Variants in DHX35 observed in about 807,000 individuals in gnomAD.
DHX35 encodes DEAH-box helicase 35.
Under a neutral mutation model 99.6 loss-of-function variants are expected in DHX35, and 84 were observed. The observed-to-expected ratio is 0.84, with a 90% CI of 0.71 to 1.01. The LOEUF (loss-of-function observed/expected upper bound fraction) is 1.01. Among genes scored for constraint, DHX35 ranks in the 50% least tolerant of loss-of-function variants. The pLI, the probability that DHX35 is intolerant of heterozygous loss-of-function variation, is 0.00. For synonymous variants in DHX35, 331 were observed against 316.2 expected (o/e 1.05, Z -0.50); for missense variants, 852 against 888.5 (o/e 0.96, Z 0.52).
At chr20:39,026,485 CAGTCCTCTTCGA>C (rs1167763655) in intron 18 of DHX35, among the ~76,000 whole-genome samples, 2 of 152,284 alleles carry the variant, frequency 1.3e-5, no homozygotes, top group East Asian at 3.9e-4. Context: ...CTAAGATTAT[CAGTCCTCTTCGA>C]AGTTAAAGTA....
At chr20:39,037,076 A>G (rs2087165829) in intron 21 of DHX35, among the ~76,000 whole-genome samples, 1 of 152,186 alleles carries the variant, frequency 6.6e-6, no homozygotes, top group Non-Finnish European at 1.5e-5. Flanking sequence ...GAAATGGTTC[A>G]GAGTCAGCTT....
At chr20:39,032,408 G>A (rs1313747984) in intron 20 of DHX35, among the ~76,000 whole-genome samples, 1 of 152,170 alleles carries the variant, frequency 6.6e-6, no homozygotes, top group Non-Finnish European at 1.5e-5. Context: ...CTGACCTCAG[G>A]TGATCTGCCC....
intron 5 of DHX35, among the ~76,000 whole-genome samples, chr20:38,989,124 GTC>G (rs1323974798): frequency 7.1e-5 from 10 of 141,410 alleles, no homozygotes; most frequent in African/African-American, 2.7e-4. Flanking sequence ...TTGAGACAGA[GTC>G]TCTCTCTGTC....
chr20:38,972,848 T>C (rs1393080371), intron 3 of DHX35, among the ~76,000 whole-genome samples, 197 bp downstream of exon 3: 1 of 152,258 alleles, frequency 6.6e-6, no homozygotes, highest in Non-Finnish European at 1.5e-5. Flanking sequence ...TTGTCTTCGA[T>C]TTATTATAAT....
intron 19 of DHX35, chr20:39,030,482 T>A (rs993180983): frequency 1.8e-6 from 1 of 546,064 alleles, no homozygotes; most frequent in Admixed American, 3.4e-5. Flanking sequence ...GTCCGCGTGT[T>A]GCTTTTCTCC....
In DHX35 at chr20:39,014,860, G is replaced by C; in HGVS notation, c.1348-20G>C. 1 of 1,614,100 alleles carries C rather than the reference G, an allele frequency of 6.2e-7. No homozygotes were observed. Among genetic ancestry groups the C allele is most frequent in the Non-Finnish European group, 8.5e-7 (1 of 1,179,984 alleles). On this transcript the variant is annotated intron_variant, in intron 13 of 21. Transcript: ENST00000252011. ...TTGCCCAAATAAATTGATTCAGGAAGATTTTTATGTTTTTTCCAGCCCCCT... is the reference window on the plus strand; with the variant it reads ...TTGCCCAAATAAATTGATTCAGGAACATTTTTATGTTTTTTCCAGCCCCCT...
intron 5 of DHX35, 111 bp from the exon 6 acceptor site, chr20:38,991,343 G>T: frequency 1.2e-6 from 1 of 847,824 alleles, no homozygotes. Context: ...GTCCTTTGTG[G>T]GAATTTACTT....
chr20:38,999,555 C>T, intron 8 of DHX35, among the ~76,000 whole-genome samples: 1 of 152,226 alleles, frequency 6.6e-6, no homozygotes, highest in Admixed American at 6.5e-5. Context: ...AGGCCAAGAC[C>T]TCCATTGCTT....
chr20:38,984,432 A>C (rs1322935205), intron 4 of DHX35, among the ~76,000 whole-genome samples: 1 of 152,240 alleles, frequency 6.6e-6, no homozygotes, highest in Middle Eastern at 3.2e-3. Context: ...GATAGAAATA[A>C]TTTTATAAAA....
chr20:38,966,334 G>T (rs1214726434), intron 1 of DHX35, among the ~76,000 whole-genome samples: 1 of 152,234 alleles, frequency 6.6e-6, no homozygotes, highest in Non-Finnish European at 1.5e-5. Context: ...AGTCTTTTAT[G>T]AGGAGAAGGT....
intron 2 of DHX35, 28 bp from the exon 3 acceptor site, chr20:38,972,531 A>G (rs1277337018): frequency 6.9e-7 from 1 of 1,442,062 alleles, no homozygotes; most frequent in East Asian, 2.3e-5. Flanking sequence ...ATGTATGGCT[A>G]TTTGCAAGGT....
chr20:38,977,011 G>C (rs2086089766), intron 3 of DHX35, among the ~76,000 whole-genome samples: 1 of 152,122 alleles, frequency 6.6e-6, no homozygotes, highest in African/African-American at 2.4e-5. Context: ...TCTGTTGTTG[G>C]ACACCTAGGC....
chr20:39,039,634 T>C lies in DHX35; in HGVS notation c.*1091T>C, dbSNP rs2087214149. 6.6e-6 allele frequency: 1 copy of C among 152,268 alleles called. No homozygotes were observed. The highest frequency in any genetic ancestry group is 1.5e-5 in the Non-Finnish European group (1 of 68,048). The allele number at this position is 152,268 out of a possible 1,614,324, so 9.4% of individuals were successfully genotyped here. ...TGGCACCAAACGTGTATGTCATTTT[T>C]ATTTCCATTTTATAAACATGTAAAT... On this transcript the variant is annotated 3_prime_UTR_variant, in exon 22 of 22. Coordinates refer to ENST00000252011, the MANE Select transcript of DHX35 (RefSeq NM_021931.4).
At chr20:39,013,959 G>A (rs1474155895) in intron 13 of DHX35, among the ~76,000 whole-genome samples, 2 of 152,166 alleles carry the variant, frequency 1.3e-5, no homozygotes, top group Admixed American at 6.5e-5. Flanking sequence ...AGGTAGACTG[G>A]GAAAAATGAG....
chr20:39,035,130 G>A (rs1383963388), intron 21 of DHX35, among the ~76,000 whole-genome samples: 1 of 152,028 alleles, frequency 6.6e-6, no homozygotes, highest in African/African-American at 2.4e-5. Flanking sequence ...GGAATGCAGT[G>A]GCACAATCTC....
chr20:38,972,764 G>A (rs2086022312), intron 3 of DHX35, 113 bp downstream of exon 3: 1 of 680,860 alleles, frequency 1.5e-6, no homozygotes, highest in African/African-American at 1.8e-5. Flanking sequence ...TTCAGGAAAT[G>A]TTCACTTCAA....
chr20:39,036,726 C>CCAAAAAAAAAAAAAA (rs1568767834), intron 21 of DHX35, among the ~76,000 whole-genome samples: 15 of 51,698 alleles, frequency 2.9e-4, no homozygotes, highest in African/African-American at 1.2e-3. Flanking sequence ...ACTGTCCCCC[C>CCAAAAAAAAAAAAAA]AAAAAAAAAA....
intron 14 of DHX35, among the ~76,000 whole-genome samples, chr20:39,016,643 A>G (rs1225722031): frequency 6.6e-6 from 1 of 152,200 alleles, no homozygotes; most frequent in African/African-American, 2.4e-5. Flanking sequence ...CCCACCAGCA[A>G]TGTATGAGAG....
At chr20:38,972,706 G>T in intron 3 of DHX35, 55 bp downstream of exon 3, 1 of 1,239,646 alleles carries the variant, frequency 8.1e-7, no homozygotes, top group Non-Finnish European at 1.2e-6. Context: ...GAAGAATTTT[G>T]TAACTTGAGA....
Sources: allele counts gnomAD v4.1 joint callset (sites outside exome capture counted in the v4.1 genomes callset), GRCh38; gene constraint gnomAD v4.1.1; transcripts MANE v1.5; gene names NCBI Gene and HGNC (gene_info 2026-07-23, HGNC 2026-07-21).